Variants in SLC25A21 observed in about 807,000 individuals in gnomAD.
SLC25A21 encodes solute carrier family 25 member 21.
In SLC25A21, 47 loss-of-function variants were observed where a neutral mutation model predicts 43.8. That is an observed-to-expected ratio of 1.07 (90% CI 0.85 to 1.37). The LOEUF is 1.37. Ranked by LOEUF, SLC25A21 falls within the 40% of genes most tolerant of loss-of-function variation. The pLI is 0.00. For missense variants in SLC25A21, 352 were observed against 350.2 expected (o/e 1.00, Z -0.04); for synonymous variants, 131 against 121.3 (o/e 1.08, Z -0.52).
chr14:36,728,787 A>G lies in SLC25A21; in HGVS notation c.330+720T>C, dbSNP rs543944171. ...GAGTACATTGCCAATTGGAGGGCCA[A>G]TGCAGATTTTGTTTTGCTTTGCTTT... On this transcript the variant is annotated intron_variant, in intron 5 of 9. Coordinates refer to ENST00000331299, the MANE Select transcript of SLC25A21 (RefSeq NM_030631.4). Among the ~76,000 whole-genome samples, 3 of 152,338 alleles carry G rather than the reference A, an allele frequency of 2.0e-5. No individual in the cohort carries two copies. The East Asian group carries it at 5.8e-4, about 29-fold the overall frequency.
rs575289185 is a variant in SLC25A21, at chr14:36,790,327, A to T, written c.203+23591T>A. The stretch of plus-strand genomic sequence containing the variant: ...ATTTCAATTAATTCTAATTTTTGAG[A>T]GGTGGTGCATTATCCTATTTAAATC... On this transcript the variant is annotated intron_variant, in intron 3 of 9. Transcript: ENST00000331299. 7.9e-5 allele frequency among the ~76,000 whole-genome samples: 12 copies of T among 152,174 alleles called. No individual in the cohort carries two copies. In the South Asian group the frequency reaches 2.5e-3, roughly 32 times the overall value.
chr14:36,966,629 C>G (rs929838938), intron 1 of SLC25A21, among the ~76,000 whole-genome samples: 1 of 152,226 alleles, frequency 6.6e-6, no homozygotes, highest in Non-Finnish European at 1.5e-5. Flanking sequence ...GTCACTAAGT[C>G]TGCTCCTCTG....
intron 2 of SLC25A21, among the ~76,000 whole-genome samples, chr14:36,837,149 A>G (rs1460866349): frequency 6.6e-6 from 1 of 152,094 alleles, no homozygotes; most frequent in Non-Finnish European, 1.5e-5. Context: ...GGTGGGAAGG[A>G]AACCTAGAGA....
At chr14:36,968,326 C>A (rs1343367591) in intron 1 of SLC25A21, among the ~76,000 whole-genome samples, 1 of 152,188 alleles carries the variant, frequency 6.6e-6, no homozygotes, top group Non-Finnish European at 1.5e-5. Flanking sequence ...GGAGGTCCTG[C>A]TGATTGACAA....
intron 1 of SLC25A21, among the ~76,000 whole-genome samples, chr14:36,942,174 T>C (rs1279575168): frequency 2.6e-5 from 4 of 152,274 alleles, no homozygotes; most frequent in Non-Finnish European, 5.9e-5. Context: ...CACCTAGCTG[T>C]TTCTAATGAC....
At chr14:36,719,864 C>A (rs1042010612) in intron 6 of SLC25A21, among the ~76,000 whole-genome samples, 2 of 152,130 alleles carry the variant, frequency 1.3e-5, no homozygotes, top group African/African-American at 4.8e-5. Context: ...GAGAGGAGAG[C>A]CCGGGGCAGC....
intron 3 of SLC25A21, among the ~76,000 whole-genome samples, chr14:36,754,173 GGA>G (rs1885834844): frequency 6.6e-6 from 1 of 152,166 alleles, no homozygotes; most frequent in Non-Finnish European, 1.5e-5. Context: ...ATTTAAGTCA[GGA>G]GATGGAATAA....
chr14:36,747,492 G>T (rs1469686770), intron 3 of SLC25A21, among the ~76,000 whole-genome samples: 1 of 152,160 alleles, frequency 6.6e-6, no homozygotes, highest in Non-Finnish European at 1.5e-5. Context: ...CTAGCTACAG[G>T]GCTAACATGA....
chr14:37,164,265 C>T (rs1963995975), intron 1 of SLC25A21, among the ~76,000 whole-genome samples: 1 of 152,134 alleles, frequency 6.6e-6, no homozygotes, highest in Non-Finnish European at 1.5e-5. Flanking sequence ...GACAAGATTA[C>T]ATTTTACTTA....
At chr14:37,151,716 T>C (rs1445416077) in intron 1 of SLC25A21, among the ~76,000 whole-genome samples, 7 of 152,208 alleles carry the variant, frequency 4.6e-5, no homozygotes, top group Non-Finnish European at 1.0e-4. Context: ...TTGAACAAGA[T>C]ATTTAATTTC....
chr14:36,728,329 A>G (rs1409984996), intron 5 of SLC25A21, among the ~76,000 whole-genome samples: 1 of 152,216 alleles, frequency 6.6e-6, no homozygotes, highest in African/African-American at 2.4e-5. Context: ...AGTTTCTCAC[A>G]TGGTACCAAT....
At chr14:36,854,424 T>C (rs1456397590) in intron 2 of SLC25A21, among the ~76,000 whole-genome samples, 2 of 152,178 alleles carry the variant, frequency 1.3e-5, no homozygotes. Flanking sequence ...GTGTAATAGA[T>C]GTTAACTGCT....
At chr14:36,814,071 G>T in intron 2 of SLC25A21, 70 bp from the exon 3 acceptor site, 1 of 1,036,494 alleles carries the variant, frequency 9.6e-7, no homozygotes, top group Non-Finnish European at 1.5e-6. Flanking sequence ...ATTTTTTAAA[G>T]TCTTAGAAAC....
At chr14:36,816,557 TG>T (rs1888463644) in intron 2 of SLC25A21, among the ~76,000 whole-genome samples, 1 of 149,548 alleles carries the variant, frequency 6.7e-6, no homozygotes, top group Non-Finnish European at 1.5e-5. Context: ...AGTGCAGTGG[TG>T]CCATCACAGC....
chr14:37,074,893 C>A (rs1962249199), intron 1 of SLC25A21, among the ~76,000 whole-genome samples: 1 of 152,150 alleles, frequency 6.6e-6, no homozygotes, highest in Non-Finnish European at 1.5e-5. Flanking sequence ...CTGTTTCACT[C>A]ATTCATTACT....
At chr14:37,056,416 G>A (rs1036897655) in intron 1 of SLC25A21, among the ~76,000 whole-genome samples, 14 of 151,470 alleles carry the variant, frequency 9.2e-5, no homozygotes, top group African/African-American at 3.2e-4. Context: ...CGTGAACCCC[G>A]GGGGGCGGAG....
At chr14:37,076,487 T>G (rs1962284162) in intron 1 of SLC25A21, among the ~76,000 whole-genome samples, 2 of 151,094 alleles carry the variant, frequency 1.3e-5, no homozygotes, top group African/African-American at 4.9e-5. Flanking sequence ...AGACTTTATT[T>G]TATTTTTGTT....
chr14:36,802,103 G>A (rs558293701), intron 3 of SLC25A21, among the ~76,000 whole-genome samples: 1 of 152,144 alleles, frequency 6.6e-6, no homozygotes, highest in Non-Finnish European at 1.5e-5. Flanking sequence ...CCCTTCTGGG[G>A]TTATAGATAA....
intron 1 of SLC25A21, among the ~76,000 whole-genome samples, chr14:37,019,751 G>A (rs1960944057): frequency 1.3e-5 from 2 of 151,806 alleles, no homozygotes; most frequent in Non-Finnish European, 2.9e-5. Context: ...AACCCACTGA[G>A]GCTAGAAAGG....
Sources: allele counts gnomAD v4.1 joint callset (sites outside exome capture counted in the v4.1 genomes callset), GRCh38; gene constraint gnomAD v4.1.1; transcripts MANE v1.5; gene names NCBI Gene and HGNC (gene_info 2026-07-23, HGNC 2026-07-21).